KRT2: variants seen among roughly 807,000 people sequenced by gnomAD.
The protein encoded by KRT2 is keratin 2.
Under a neutral mutation model 48.5 loss-of-function variants are expected in KRT2, and 37 were observed. The ratio of observed to expected loss-of-function variants is 0.76; its 90% CI spans 0.59 to 1.00. The LOEUF (loss-of-function observed/expected upper bound fraction) is 1.00. Ranked by LOEUF, KRT2 falls within the 50% of genes least tolerant of loss-of-function variation. The pLI is 0.00. For missense variants in KRT2, 880 were observed against 815.2 expected (o/e 1.08, Z -0.97); for synonymous variants, 324 against 312.2 (o/e 1.04, Z -0.40).
chr12:52,645,664 C>A (rs1941153524), intron 7 of KRT2, 95 bp from the exon 8 acceptor site: 1 of 1,296,414 alleles, frequency 7.7e-7, no homozygotes. Flanking sequence ...TGCAGTTTAG[C>A]CTCTCTAAGC....
chr12:52,650,605 A>G (rs1215287361), intron 1 of KRT2, 52 bp from the exon 2 acceptor site: 1 of 1,500,544 alleles, frequency 6.7e-7, no homozygotes, highest in South Asian at 1.1e-5. Context: ...CTTCACACCA[A>G]GCAAGCCACG....
intron 7 of KRT2, 43 bp downstream of exon 7, chr12:52,646,697 G>C: frequency 6.2e-7 from 1 of 1,604,340 alleles, no homozygotes; most frequent in Non-Finnish European, 8.5e-7. Flanking sequence ...GGAGAGATGA[G>C]AGGAAGGGCC....
chr12:52,651,163 C>G (rs1941242734), intron 1 of KRT2, among the ~76,000 whole-genome samples: 1 of 152,208 alleles, frequency 6.6e-6, no homozygotes, highest in Non-Finnish European at 1.5e-5. Flanking sequence ...ATTTCAGGTT[C>G]AGCTTCCCAG....
chr12:52,651,905 C>A lies in KRT2; in HGVS notation c.238G>T (p.Gly80Cys). 3 of 1,611,274 alleles carry A rather than the reference C, an allele frequency of 1.9e-6. No individual in the cohort carries two copies. Among genetic ancestry groups the A allele is most frequent in the Non-Finnish European group, 2.5e-6 (3 of 1,178,312 alleles). ...KSISISVAGG[G>C]GGFGAAGGFG... ...CCACCAGCGGCGCCAAAGCCACCACCTCCTCCAGCCACACTAATGGAGATG... is the reference window on the plus strand; with the variant it reads ...CCACCAGCGGCGCCAAAGCCACCACATCCTCCAGCCACACTAATGGAGATG... The change falls in exon 1 of 9, where the codon GGT becomes TGT. Residue 80 changes from glycine to cysteine, a missense_variant. Transcript: ENST00000309680.
In KRT2 at chr12:52,649,070, C is replaced by T. The variant is rs766451452; in HGVS notation, c.894G>A (p.Glu298=). ...TCAGCAGGTCCACCTTGGACTGCAACTCCACCTTTATCATGTAGGCATTGT... is the reference window on the plus strand; with the variant it reads ...TCAGCAGGTCCACCTTGGACTGCAATTCCACCTTTATCATGTAGGCATTGT... The part of the protein sequence containing the change: ...DVDNAYMIKV[E]LQSKVDLLNQ... The change falls in exon 4 of 9, where the codon GAG becomes GAA. Residue 298 remains glutamate, a synonymous_variant. Coordinates refer to ENST00000309680, the MANE Select transcript of KRT2 (RefSeq NM_000423.3). 6.2e-7 allele frequency: 1 copy of T among 1,613,456 alleles called. No homozygotes were observed. Among genetic ancestry groups the T allele is most frequent in the South Asian group, 1.1e-5 (1 of 91,066 alleles).
At chr12:52,645,642 C>T in intron 7 of KRT2, 73 bp from the exon 8 acceptor site, 3 of 1,493,862 alleles carry the variant, frequency 2.0e-6, no homozygotes, top group Non-Finnish European at 2.8e-6. Context: ...TTACCACTTC[C>T]ACCCGCAAAT....
intron 5 of KRT2, 69 bp from the exon 6 acceptor site, chr12:52,647,924 G>T: frequency 6.3e-7 from 1 of 1,591,620 alleles, no homozygotes; most frequent in Non-Finnish European, 8.6e-7. Context: ...ACTGACTGGA[G>T]TGAAGGAGAG....
At chr12:52,650,060 C>T (rs1941225989) in intron 2 of KRT2, 86 bp from the exon 3 acceptor site, 16 of 986,800 alleles carry the variant, frequency 1.6e-5, no homozygotes, top group Non-Finnish European at 2.1e-5. Context: ...ACCCCAAATG[C>T]CCCATTCTCT....
Position 52,646,878 on chromosome 12 carries a change from T to C in KRT2, c.1331A>G (p.Asp444Gly). ...GGCCTGCTGCAGGGCCTCCTCCAGG[T>C]CATTCAACTTGTTCCTGGCATCCTT... ...ALKDARNKLN[D>G]LEEALQQAKE... Residue 444 changes from aspartate (D) to glycine (G), a missense_variant, in exon 7 of 9, where the codon GAC becomes GGC. Coordinates refer to ENST00000309680, the MANE Select transcript of KRT2 (RefSeq NM_000423.3). 1 of 1,614,188 alleles carries C rather than the reference T, an allele frequency of 6.2e-7. No homozygotes were observed. The highest frequency in any genetic ancestry group is 8.5e-7 in the Non-Finnish European group (1 of 1,180,024).
At chr12:52,645,611 A>G (rs1941152824) in intron 7 of KRT2, 42 bp from the exon 8 acceptor site, 1 of 1,604,578 alleles carries the variant, frequency 6.2e-7, no homozygotes, top group Non-Finnish European at 8.5e-7. Flanking sequence ...TGGAACACTT[A>G]GGTTCTGTAT....
intron 2 of KRT2, 60 bp from the exon 3 acceptor site, chr12:52,650,034 C>A (rs1049159417): frequency 8.6e-6 from 11 of 1,277,498 alleles, no homozygotes; most frequent in Admixed American, 3.4e-5. Context: ...TTTTCTTTTC[C>A]TTTTATACTG....
chr12:52,646,319 G>A (rs145479499), intron 7 of KRT2, among the ~76,000 whole-genome samples: 336 of 152,248 alleles, frequency 2.2e-3, no homozygotes, highest in African/African-American at 7.8e-3. Flanking sequence ...CACCTGCTCC[G>A]GTCAGCACGT....
rs190236297 is a variant in KRT2, at chr12:52,649,842, T to C, written c.861+72A>G. On this transcript the variant is annotated intron_variant, in intron 3 of 8. Coordinates refer to ENST00000309680, the MANE Select transcript of KRT2 (RefSeq NM_000423.3). ...TTGCACTCACAGTTGATTTCCAAACTGGCTGCTTAGACACAATGGGGCTGT... is the reference window on the plus strand; with the variant it reads ...TTGCACTCACAGTTGATTTCCAAACCGGCTGCTTAGACACAATGGGGCTGT... 38 of 1,162,190 alleles carry C rather than the reference T, an allele frequency of 3.3e-5. No homozygotes were observed. In the Admixed American group the frequency reaches 6.2e-4, roughly 19 times the overall value. The allele number at this position is 1,162,190 out of a possible 1,614,324, so 72.0% of individuals were successfully genotyped here.
Position 52,648,282 on chromosome 12 carries a change from T to C in KRT2, c.1013A>G (p.Asp338Gly). 1.2e-6 allele frequency: 2 copies of C among 1,614,116 alleles called. No homozygotes were observed. Among genetic ancestry groups the C allele is most frequent in the Non-Finnish European group, 1.7e-6 (2 of 1,179,986 alleles). Residue 338 changes from aspartate to glycine, a missense_variant, in exon 5 of 9, where the codon GAC becomes GGC. By Grantham distance (94) the Asp-to-Gly change is moderately conservative. Coordinates refer to ENST00000309680, the MANE Select transcript of KRT2 (RefSeq NM_000423.3). The stretch of plus-strand genomic sequence containing the variant: ...ATCCAAGTCCAGGTTGCGGCTGTTG[T>C]CCATGGAGAGGATGACGTTGGTGTC... Reference protein sequence around the residue: ...VTDTNVILSMDNSRNLDLDSI... With the variant: ...VTDTNVILSMGNSRNLDLDSI...
chr12:52,647,809 T>C lies in KRT2; in HGVS notation c.1169A>G (p.Lys390Arg). 2 of 1,614,106 alleles carry C rather than the reference T, an allele frequency of 1.2e-6. No individual in the cohort carries two copies. Among genetic ancestry groups the C allele is most frequent in the South Asian group, 2.2e-5 (2 of 91,058 alleles). Residue 390 changes from lysine (K) to arginine (R), a missense_variant, in exon 6 of 9, where the codon AAA becomes AGA. Physicochemically the swap from Lys to Arg is conservative, Grantham distance 26 (BLOSUM62 2). Coordinates refer to ENST00000309680, the MANE Select transcript of KRT2 (RefSeq NM_000423.3). Reference sequence around the variant, plus strand: ...CTCGCTGATCTCTATCTTGATCTCTTTCAGGCTGTCTCCATGTCTCCCGAC... The same window carrying C: ...CTCGCTGATCTCTATCTTGATCTCTCTCAGGCTGTCTCCATGTCTCCCGAC... ...VTVGRHGDSL[K>R]EIKIEISELN...
Position 52,645,083 on chromosome 12 carries a change from G to A in KRT2, c.1856C>T (p.Ser619Phe). ...GGGYGSGGGG[S>F]SSVKGSSGEA... ...ACCTGAGCTACCCTTTACAGAGCTAGAACCCCCACCTCCAGAGCCATATCC... is the reference window on the plus strand; with the variant it reads ...ACCTGAGCTACCCTTTACAGAGCTAAAACCCCCACCTCCAGAGCCATATCC... The change falls in exon 9 of 9, where the codon TCT becomes TTT. Residue 619 changes from serine to phenylalanine, a missense_variant. Ser to Phe is a radical substitution (Grantham distance 155). Coordinates refer to ENST00000309680, the MANE Select transcript of KRT2 (RefSeq NM_000423.3). 6.2e-7 allele frequency: 1 copy of A among 1,613,974 alleles called. No individual in the cohort carries two copies. Among genetic ancestry groups the A allele is most frequent in the Non-Finnish European group, 8.5e-7 (1 of 1,179,988 alleles).
At chr12:52,648,748 G>A (rs1439973325) in intron 4 of KRT2, among the ~76,000 whole-genome samples, 3 of 152,140 alleles carry the variant, frequency 2.0e-5, no homozygotes, top group African/African-American at 7.2e-5. Context: ...CTTCCCCAGG[G>A]GAAATGGACA....
At position 52,649,936 on chromosome 12, in the gene KRT2, T is replaced by A; in HGVS notation, c.839A>T (p.Asn280Ile). ...CACCTTTTTAAGCGTCACAAAATCA[T>A]TCTCAGCAGCTGTGCGCTTATTGAT... ...DEINKRTAAE[N>I]DFVTLKKDVD... Residue 280 changes from asparagine (N) to isoleucine (I), a missense_variant, in exon 3 of 9, where the codon AAT becomes ATT. Coordinates refer to ENST00000309680, the MANE Select transcript of KRT2 (RefSeq NM_000423.3). The A allele has an allele frequency of 6.2e-7, 1 of 1,613,922 alleles. No individual in the cohort carries two copies. Among genetic ancestry groups the A allele is most frequent in the Non-Finnish European group, 8.5e-7 (1 of 1,179,788 alleles).
At chr12:52,645,644 C>T (rs553437193) in intron 7 of KRT2, 75 bp from the exon 8 acceptor site, 19 of 1,472,422 alleles carry the variant, frequency 1.3e-5, no homozygotes, top group Non-Finnish European at 1.8e-5. Context: ...ACCACTTCCA[C>T]CCGCAAATGT....
Sources: allele counts gnomAD v4.1 joint callset (sites outside exome capture counted in the v4.1 genomes callset), GRCh38; gene constraint gnomAD v4.1.1; transcripts MANE v1.5; gene names NCBI Gene and HGNC (gene_info 2026-07-23, HGNC 2026-07-21).